Variants in DNAH1 observed in about 807,000 individuals in gnomAD.
DNAH1 encodes the protein axonemal beta dynein heavy chain 1.
Under a neutral mutation model 484.3 loss-of-function variants are expected in DNAH1, and 327 were observed. The ratio of observed to expected loss-of-function variants is 0.68; its 90% CI spans 0.62 to 0.74. The LOEUF is 0.74. DNAH1 is among the 30% of genes least tolerant of loss of function. The pLI, the probability that DNAH1 is intolerant of heterozygous loss-of-function variation, is 0.00. For synonymous variants in DNAH1, 2,192 were observed against 2,191.9 expected (o/e 1.00, Z 0.00); for missense variants, 5,052 against 5,546.8 (o/e 0.91, Z 2.83).
chr3:52,364,740 C>G lies in DNAH1; in HGVS notation c.5331+16C>G. 1 of 1,610,416 alleles carries G rather than the reference C, an allele frequency of 6.2e-7. No homozygotes were observed. The highest frequency in any genetic ancestry group is 1.1e-5 in the South Asian group (1 of 90,418). ...CATGAATGAGGTGAGCTCCACCCAG[C>G]AGGGCTCCAGGAGTGGAACTCTGGG... On this transcript the variant is annotated intron_variant, in intron 33 of 77. Coordinates refer to ENST00000420323, the MANE Select transcript of DNAH1 (RefSeq NM_015512.5). The surrounding 1 kb of genome is among the most constrained non-coding windows in gnomAD (Gnocchi z 4.2).
At chr3:52,329,894 C>T (rs1701480956) in intron 6 of DNAH1, among the ~76,000 whole-genome samples, 1 of 152,008 alleles carries the variant, frequency 6.6e-6, no homozygotes. Flanking sequence ...CTGAAACCTC[C>T]ACCTCCCAGG....
At position 52,372,928 on chromosome 3, in the gene DNAH1, G is replaced by C; in HGVS notation, c.6860G>C (p.Arg2287Pro). 6.2e-7 allele frequency: 1 copy of C among 1,613,388 alleles called. No individual in the cohort carries two copies. The highest frequency in any genetic ancestry group is 8.5e-7 in the Non-Finnish European group (1 of 1,179,676). The change falls in exon 44 of 78, where the codon CGC becomes CCC. Residue 2287 changes from arginine to proline, a missense_variant. By Grantham distance (103) the Arg-to-Pro change is moderately radical. Transcript: ENST00000420323. The part of the protein sequence containing the change: ...RKGVFGPPLG[R>P]NFIFFIDDLN... Reference sequence around the variant, plus strand: ...GGTGTGTTTGGACCACCTCTGGGGCGCAACTTTATCTTCTTCATCGATGAC... The same window carrying C: ...GGTGTGTTTGGACCACCTCTGGGGCCCAACTTTATCTTCTTCATCGATGAC...
chr3:52,347,521 TG>T (rs1702191962), intron 11 of DNAH1, among the ~76,000 whole-genome samples: 1 of 152,094 alleles, frequency 6.6e-6, no homozygotes, highest in African/African-American at 2.4e-5. Context: ...CCAAGGAAGA[TG>T]GGCTCCCGGG....
chr3:52,395,324 T>C lies in DNAH1; in HGVS notation c.10985T>C (p.Val3662Ala), dbSNP rs368768240. ...FIEPQTANLS[V>A]VFKDSNSTTP... ...CCCTTGCAGACAGCCAATCTGTCAG[T>C]GGTGTTCAAAGACTCCAACTCCACC... is the stretch of plus-strand genomic sequence containing the variant. The change falls in exon 69 of 78, where the codon GTG becomes GCG. Residue 3662 changes from valine (V) to alanine (A), a missense_variant. This residue lies in a region of DNAH1 where 853 missense variants were observed against 899.0 expected (regional missense o/e 0.95). Coordinates refer to ENST00000420323, the MANE Select transcript of DNAH1 (RefSeq NM_015512.5). This position sits in a 1 kb window ranked among gnomAD's most constrained non-coding sequence, Gnocchi z 4.4. 5 of 1,613,432 alleles carry C rather than the reference T, an allele frequency of 3.1e-6. No individual in the cohort carries two copies. The African/African-American group carries it at 6.7e-5, about 22-fold the overall frequency.
rs778372403 is a variant in DNAH1, at chr3:52,393,491, G to A, written c.10626+6G>A. Reference sequence around the variant, plus strand: ...ACGAGGGCAAAATCAACCAGGTGCTGGCAGAGACACCCAGGACAGACTGCC... The same window carrying A: ...ACGAGGGCAAAATCAACCAGGTGCTAGCAGAGACACCCAGGACAGACTGCC... On this transcript the variant is annotated splice_donor_region_variant and intron_variant, in intron 66 of 77. Coordinates refer to ENST00000420323, the MANE Select transcript of DNAH1 (RefSeq NM_015512.5). 3 of 1,613,946 alleles carry A rather than the reference G, an allele frequency of 1.9e-6. No homozygotes were observed. The highest frequency in any genetic ancestry group is 2.5e-6 in the Non-Finnish European group (3 of 1,179,850).
chr3:52,358,662 G>A lies in DNAH1; in HGVS notation c.4191G>A (p.Trp1397Ter). ...SIYPSSNVED[W>*]LREVERSMKA... The stretch of plus-strand genomic sequence containing the variant: ...ACCCCTCCAGCAACGTGGAGGACTG[G>A]CTGCGGGAGGTGGAGCGCAGCATGA... The change falls in exon 25 of 78, where the codon TGG becomes TGA. Residue 1397 changes from tryptophan to a stop codon, truncating the protein, a stop_gained. Coordinates refer to ENST00000420323, the MANE Select transcript of DNAH1 (RefSeq NM_015512.5). LOFTEE classifies it high-confidence loss of function. This position sits in a 1 kb window ranked among gnomAD's most constrained non-coding sequence, Gnocchi z 4.2. 1.2e-6 allele frequency: 2 copies of A among 1,613,174 alleles called. No individual in the cohort carries two copies. The highest frequency in any genetic ancestry group is 1.7e-6 in the Non-Finnish European group (2 of 1,179,762).
chr3:52,382,889 G>T (rs182235491), intron 50 of DNAH1, among the ~76,000 whole-genome samples: 8 of 152,346 alleles, frequency 5.3e-5, no homozygotes, highest in Admixed American at 2.0e-4. Context: ...GGTGGTCAGG[G>T]TTGGGCCCAG....
At chr3:52,344,318 A>G (rs771759220) in intron 8 of DNAH1, among the ~76,000 whole-genome samples, 172 bp from the exon 9 acceptor site, 1 of 152,088 alleles carries the variant, frequency 6.6e-6, no homozygotes, top group African/African-American at 2.4e-5. Flanking sequence ...GAAGCAGAGG[A>G]GGTGCACTTG....
rs758327285 is a variant in DNAH1 at position 52,360,038 on chromosome 3, C to T, written c.4530C>T (p.Asn1510=). Residue 1510 remains asparagine, a synonymous_variant, in exon 27 of 78, where the codon AAC becomes AAT. Coordinates refer to ENST00000420323, the MANE Select transcript of DNAH1 (RefSeq NM_015512.5). ...TGGTGAGCAAGCTAATCCAGGAGAA[C>T]GTGGTCAGCGTGAATGACTTCCAGT... ...KDVVSKLIQE[N]VVSVNDFQWI... The T allele has an allele frequency of 8.7e-5, 140 of 1,613,796 alleles. No individual in the cohort carries two copies. Among genetic ancestry groups the T allele is most frequent in the East Asian group, 1.3e-4 (6 of 44,896 alleles).
Position 52,379,784 on chromosome 3 carries a change from G to C in DNAH1, c.7378-121G>C, listed in dbSNP as rs1703759369. Reference sequence around the variant, plus strand: ...CACACACTGTCCCTGGGCCATGGTGGGAGAGCCAGGCTCCAGTCAGGGCCC... The same window carrying C: ...CACACACTGTCCCTGGGCCATGGTGCGAGAGCCAGGCTCCAGTCAGGGCCC... On this transcript the variant is annotated intron_variant, in intron 47 of 77. Transcript: ENST00000420323. This position sits in a 1 kb window ranked among gnomAD's most constrained non-coding sequence, Gnocchi z 4.4. 7.1e-6 allele frequency: 6 copies of C among 839,580 alleles called. No homozygotes were observed. Among genetic ancestry groups the C allele is most frequent in the Admixed American group, 2.9e-5 (1 of 34,616 alleles). The allele number at this position is 839,580 out of a possible 1,614,324, so 52.0% of individuals were successfully genotyped here.
rs549292053 is a variant in DNAH1 at position 52,353,097 on chromosome 3, C to G, written c.3028-6C>G. ...CAGCCCCAGCCCTGCCCTCCTGTCC[C>G]TGCAGTATGACAAGCTCTCCAGGAT... On this transcript the variant is annotated splice_region_variant and splice_polypyrimidine_tract_variant and intron_variant, in intron 18 of 77. Coordinates refer to ENST00000420323, the MANE Select transcript of DNAH1 (RefSeq NM_015512.5). The surrounding 1 kb of genome is among the most constrained non-coding windows in gnomAD (Gnocchi z 5.0). 1.1e-5 allele frequency: 18 copies of G among 1,611,070 alleles called. No individual in the cohort carries two copies. In the East Asian group the frequency reaches 1.3e-4, roughly 12 times the overall value.
Position 52,364,528 on chromosome 3 carries a change from A to G in DNAH1, c.5245-110A>G, listed in dbSNP as rs1295360026. ...CCAGCAGGTCTGCAAGGGAAGTGCT[A>G]TGAGCTGGTGATGAGACTTGGCCAA... On this transcript the variant is annotated intron_variant, in intron 32 of 77. Transcript: ENST00000420323. This position sits in a 1 kb window ranked among gnomAD's most constrained non-coding sequence, Gnocchi z 4.2. 2 of 1,231,618 alleles carry G rather than the reference A, an allele frequency of 1.6e-6. No individual in the cohort carries two copies. Among genetic ancestry groups the G allele is most frequent in the East Asian group, 2.3e-5 (1 of 42,810 alleles). The allele number at this position is 1,231,618 out of a possible 1,614,324, so 76.3% of individuals were successfully genotyped here.
In DNAH1 at chr3:52,349,186, T is replaced by C. The variant is rs1702267630; in HGVS notation, c.2301-9T>C. ...CCTCTGCCCCCTCCCGTGTGCTTGCTGTCCTCAGAACCTACCAGACGCAGG... is the reference window on the plus strand; with the variant it reads ...CCTCTGCCCCCTCCCGTGTGCTTGCCGTCCTCAGAACCTACCAGACGCAGG... On this transcript the variant is annotated splice_polypyrimidine_tract_variant and intron_variant, in intron 13 of 77. Transcript: ENST00000420323. The C allele has an allele frequency of 1.2e-6, 2 of 1,613,150 alleles. No homozygotes were observed. The highest frequency in any genetic ancestry group is 2.7e-5 in the African/African-American group (2 of 75,038).
At chr3:52,339,802 G>GTT (rs1345103618) in intron 8 of DNAH1, among the ~76,000 whole-genome samples, 3 of 146,280 alleles carry the variant, frequency 2.1e-5, no homozygotes, top group Non-Finnish European at 4.6e-5. Context: ...CTGTGTGTGT[G>GTT]TCTGTGTGTG....
At chr3:52,378,485 G>T (rs1402407087) in intron 46 of DNAH1, 117 bp from the exon 47 acceptor site, 2 of 1,139,132 alleles carry the variant, frequency 1.8e-6, no homozygotes, top group Admixed American at 2.0e-5. Flanking sequence ...AAGCCTGAAG[G>T]CTGGGGAAGG....
rs1704359851 is a variant in DNAH1, at chr3:52,391,188, A to G, written c.9751A>G (p.Asn3251Asp). The G allele has an allele frequency of 6.2e-7, 1 of 1,613,826 alleles. No homozygotes were observed. Among genetic ancestry groups the G allele is most frequent in the African/African-American group, 1.3e-5 (1 of 74,910 alleles). The change falls in exon 62 of 78, where the codon AAT becomes GAT. Residue 3251 changes from asparagine to aspartate, a missense_variant. Asn to Asp is a conservative substitution (Grantham distance 23). Around this residue, in one of 4 missense-constraint regions of DNAH1, gnomAD observed 2,929 missense variants for 3,409.4 expected, o/e 0.86. Coordinates refer to ENST00000420323, the MANE Select transcript of DNAH1 (RefSeq NM_015512.5). The part of the protein sequence containing the change: ...NKWIKNMEKD[N>D]GLDVFKLSDR... ...TCCCCTTCCCTTACAGGAGAAGGAC[A>G]ATGGGCTGGATGTGTTCAAGTTGAG... is the stretch of plus-strand genomic sequence containing the variant.
At position 52,352,717 on chromosome 3, in the gene DNAH1, C is replaced by T. The variant is rs1054814001; in HGVS notation, c.3027+10C>T. ...CTTGCCCATCACCAATGTAGGCCTC[C>T]TGCAGGCACCCTGCCCCCATGCCCC... On this transcript the variant is annotated intron_variant, in intron 18 of 77. Transcript: ENST00000420323. 4 of 1,605,076 alleles carry T rather than the reference C, an allele frequency of 2.5e-6. No individual in the cohort carries two copies. Among genetic ancestry groups the T allele is most frequent in the East Asian group, 2.2e-5 (1 of 44,638 alleles).
At position 52,361,916 on chromosome 3, in the gene DNAH1, G is replaced by A; in HGVS notation, c.4980+150G>A. Reference sequence around the variant, plus strand: ...GGGGCACACCCTAACCCCAGTCTGTGGGCAGCTCCCAGGCCAAGCTGCGGG... The same window carrying A: ...GGGGCACACCCTAACCCCAGTCTGTAGGCAGCTCCCAGGCCAAGCTGCGGG... On this transcript the variant is annotated intron_variant, in intron 30 of 77. Transcript: ENST00000420323. The surrounding 1 kb of genome is among the most constrained non-coding windows in gnomAD (Gnocchi z 5.6). 1 of 828,068 alleles carries A rather than the reference G, an allele frequency of 1.2e-6. No homozygotes were observed. The highest frequency in any genetic ancestry group is 1.9e-6 in the Non-Finnish European group (1 of 535,734). 51.3% of individuals were successfully genotyped at this position (828,068 alleles called of 1,614,324 possible). A position where few individuals can be genotyped will look rare whatever the true frequency, so the allele number is the denominator to read the frequency against.
chr3:52,319,535 A>T (rs1163853843), intron 1 of DNAH1, among the ~76,000 whole-genome samples: 1 of 152,248 alleles, frequency 6.6e-6, no homozygotes, highest in Non-Finnish European at 1.5e-5. Context: ...CACTGTGCCC[A>T]CCAGGGCCAC....
Sources: allele counts gnomAD v4.1 joint callset (sites outside exome capture counted in the v4.1 genomes callset), GRCh38; gene constraint gnomAD v4.1.1; regional missense constraint gnomAD v4.1.1; non-coding constraint Gnocchi (gnomAD v3.1); transcripts MANE v1.5; gene names NCBI Gene and HGNC (gene_info 2026-07-23, HGNC 2026-07-21).